PIP4K2C: variants seen among roughly 807,000 people sequenced by gnomAD.
PIP4K2C encodes the protein phosphatidylinositol-5-phosphate 4-kinase type 2 gamma, also known as phosphatidylinositol 5-phosphate 4-kinase type-2 gamma.
Under a neutral mutation model 45.0 loss-of-function variants are expected in PIP4K2C, and 21 were observed. That is an observed-to-expected ratio of 0.47 (90% CI 0.33 to 0.67). The LOEUF (loss-of-function observed/expected upper bound fraction) is 0.67, where lower values mean the gene tolerates loss of function less well. Among genes scored for constraint, PIP4K2C ranks in the 30% least tolerant of loss-of-function variants. The pLI, the probability that PIP4K2C is intolerant of heterozygous loss-of-function variation, is 0.02. For synonymous variants in PIP4K2C, 201 were observed against 204.8 expected (o/e 0.98, Z 0.16); for missense variants, 456 against 542.8 (o/e 0.84, Z 1.59).
intron 8 of PIP4K2C, 30 bp from the exon 9 acceptor site, chr12:57,601,215 C>A: frequency 2.5e-6 from 4 of 1,600,208 alleles, no homozygotes; most frequent in Non-Finnish European, 3.4e-6. Context: ...TGGAACTAAA[C>A]CTACTCTGAA....
In PIP4K2C at chr12:57,596,014, C is replaced by G. The variant is rs772453070; in HGVS notation, c.496C>G (p.Leu166Val). 1.9e-6 allele frequency: 3 copies of G among 1,613,894 alleles called. No homozygotes were observed. The highest frequency in any genetic ancestry group is 2.5e-6 in the Non-Finnish European group (3 of 1,179,794). Reference sequence around the variant, plus strand: ...GGACATTGCTGACATGCATAGCAACCTCTCCAACTATCACCAGGTCAGGCC... The same window carrying G: ...GGACATTGCTGACATGCATAGCAACGTCTCCAACTATCACCAGGTCAGGCC... ...SEDIADMHSN[L>V]SNYHQYIVKC... is the part of the protein sequence containing the mutation. Residue 166 changes from leucine to valine, a missense_variant, in exon 4 of 10, where the codon CTC (leucine) becomes GTC (valine). By Grantham distance (32) the Leu-to-Val change is conservative (BLOSUM62 1). Coordinates refer to ENST00000354947, the MANE Select transcript of PIP4K2C (RefSeq NM_024779.5).
At position 57,601,692 on chromosome 12, in the gene PIP4K2C, C is replaced by T; in HGVS notation, c.*86C>T. The T allele has an allele frequency of 8.4e-7, 1 of 1,195,942 alleles. No individual in the cohort carries two copies. The highest frequency in any genetic ancestry group is 1.9e-4 in the Middle Eastern group (1 of 5,166). 74.1% of individuals were successfully genotyped at this position (1,195,942 alleles called of 1,614,324 possible). A position where few individuals can be genotyped will look rare whatever the true frequency, so the allele number is the denominator to read the frequency against. On this transcript the variant is annotated 3_prime_UTR_variant, in exon 10 of 10. Transcript: ENST00000354947. ...TGTGGGGATATTCTAGCCACCAGTT[C>T]TCTTCTTCCTTTGCTAAATTCAGGC...
chr12:57,601,417 G>A, intron 9 of PIP4K2C, 69 bp downstream of exon 9: 3 of 1,540,778 alleles, frequency 1.9e-6, no homozygotes, highest in Non-Finnish European at 2.7e-6. Context: ...TCTTGTGCCA[G>A]AGCAATGGGG....
intron 4 of PIP4K2C, among the ~76,000 whole-genome samples, chr12:57,596,484 T>TAA (rs76543234): frequency 2.1e-5 from 2 of 93,566 alleles, no homozygotes. Flanking sequence ...AAACTCCGCC[T>TAA]AAAAAAAAAA....
At chr12:57,601,157 T>C in intron 8 of PIP4K2C, 79 bp downstream of exon 8, 1 of 1,592,842 alleles carries the variant, frequency 6.3e-7, no homozygotes, top group South Asian at 1.1e-5. Context: ...GGGGAGAGCC[T>C]GATTAGCTTT....
In PIP4K2C at chr12:57,591,385, T is replaced by C; in HGVS notation, c.96T>C (p.His32=). The change falls in exon 1 of 10, where the codon CAT becomes CAC. Residue 32 remains histidine (H), a synonymous_variant. Coordinates refer to ENST00000354947, the MANE Select transcript of PIP4K2C (RefSeq NM_024779.5). The stretch of plus-strand genomic sequence containing the variant: ...TCGCCTCCAAGACCAAGAAGAAGCA[T>C]TTCGTGCAGCAGAAGGTGAAGGTGT... ...FGFASKTKKK[H]FVQQKVKVFR... 6.2e-7 allele frequency: 1 copy of C among 1,613,854 alleles called. No homozygotes were observed. The highest frequency in any genetic ancestry group is 8.5e-7 in the Non-Finnish European group (1 of 1,179,896).
intron 2 of PIP4K2C, among the ~76,000 whole-genome samples, chr12:57,594,736 A>C (rs1158601687): frequency 1.3e-5 from 2 of 152,174 alleles, no homozygotes; most frequent in East Asian, 3.9e-4. Context: ...TTGGGAGGCC[A>C]AGGCGGGTGG....
In PIP4K2C at chr12:57,601,570, G is replaced by A. The variant is rs201938132; in HGVS notation, c.1230G>A (p.Lys410=). Residue 410 remains lysine, a synonymous_variant, in exon 10 of 10, where the codon AAG becomes AAA. Coordinates refer to ENST00000354947, the MANE Select transcript of PIP4K2C (RefSeq NM_024779.5). Reference sequence around the variant, plus strand: ...CTGTCCATCCGGAGCAGTATGCTAAGCGATTCCTGGATTTTATTACCAACA... The same window carrying A: ...CTGTCCATCCGGAGCAGTATGCTAAACGATTCCTGGATTTTATTACCAACA... ...ISTVHPEQYA[K]RFLDFITNIF... 187 of 1,613,236 alleles carry A rather than the reference G, an allele frequency of 1.2e-4. No individual in the cohort carries two copies. The highest frequency in any genetic ancestry group is 1.5e-4 in the Non-Finnish European group (179 of 1,179,308).
At chr12:57,599,294 T>A in intron 5 of PIP4K2C, 83 bp downstream of exon 5, 1 of 1,606,200 alleles carries the variant, frequency 6.2e-7, no homozygotes, top group South Asian at 1.1e-5. Flanking sequence ...TTTGGATGAT[T>A]CCTTTTAAGG....
chr12:57,601,080 T>C lies in PIP4K2C; in HGVS notation c.1081+2T>C, dbSNP rs572745324. ...TCTATGCCATCCGGAGTGCTGAAGG[T>C]GAGAGAACCGGGACAATTTAAGGGT... On this transcript the variant is annotated splice_donor_variant, in intron 8 of 9. Transcript: ENST00000354947. LOFTEE classifies it high-confidence loss of function. 7.4e-6 allele frequency: 12 copies of C among 1,612,202 alleles called. No homozygotes were observed. Among genetic ancestry groups the C allele is most frequent in the Non-Finnish European group, 1.0e-5 (12 of 1,179,292 alleles).
intron 3 of PIP4K2C, among the ~76,000 whole-genome samples, chr12:57,595,604 G>A (rs1233926861): frequency 1.3e-5 from 2 of 151,264 alleles, no homozygotes; most frequent in Non-Finnish European, 2.9e-5. Context: ...TTGGGAGGCT[G>A]AGGCAGGAGA....
At chr12:57,595,411 A>T (rs533118965) in intron 3 of PIP4K2C, among the ~76,000 whole-genome samples, 189 bp downstream of exon 3, 2 of 152,352 alleles carry the variant, frequency 1.3e-5, no homozygotes, top group South Asian at 4.1e-4. Flanking sequence ...ATGTAGATAC[A>T]TTAAGAATTT....
At position 57,595,953 on chromosome 12, in the gene PIP4K2C, C is replaced by T. The variant is rs183015353; in HGVS notation, c.435C>T (p.Tyr145=). ...GTGATGGTCGCTTCCTTATCTCCTA[C>T]GATCGGACTCTGGTCATCAAAGAAG... ...EGSDGRFLIS[Y]DRTLVIKEVS... Residue 145 remains tyrosine, a synonymous_variant, in exon 4 of 10, where the codon TAC becomes TAT. Coordinates refer to ENST00000354947, the MANE Select transcript of PIP4K2C (RefSeq NM_024779.5). 1.2e-4 allele frequency: 200 copies of T among 1,613,944 alleles called. 1 individual carries two copies. The Admixed American group carries it at 2.6e-3, about 21-fold the overall frequency.
At chr12:57,597,228 T>A (rs889767955) in intron 4 of PIP4K2C, among the ~76,000 whole-genome samples, 2 of 152,168 alleles carry the variant, frequency 1.3e-5, no homozygotes, top group Admixed American at 1.3e-4. Context: ...GAGGGAACAC[T>A]GGAAGGGTGG....
intron 1 of PIP4K2C, among the ~76,000 whole-genome samples, chr12:57,591,988 G>A (rs1882982821): frequency 6.6e-6 from 1 of 152,174 alleles, no homozygotes; most frequent in Admixed American, 6.5e-5. Context: ...AATCCTGCTT[G>A]TCCCTTCCTT....
At position 57,602,629 on chromosome 12, in the gene PIP4K2C, C is replaced by A. The variant is rs1340019332; in HGVS notation, c.*1023C>A. The stretch of plus-strand genomic sequence containing the variant: ...GCCTCAAGTGTGGGAACTTCCCCTA[C>A]TCCCTGGATGTGTGTACCTAGCACA... On this transcript the variant is annotated 3_prime_UTR_variant, in exon 10 of 10. Coordinates refer to ENST00000354947, the MANE Select transcript of PIP4K2C (RefSeq NM_024779.5). The A allele has an allele frequency of 6.6e-6, 1 of 152,362 alleles. No individual in the cohort carries two copies. The highest frequency in any genetic ancestry group is 1.5e-5 in the Non-Finnish European group (1 of 68,090). 9.4% of individuals were successfully genotyped at this position (152,362 alleles called of 1,614,324 possible). A position where few individuals can be genotyped will look rare whatever the true frequency, so the allele number is the denominator to read the frequency against.
Position 57,600,408 on chromosome 12 carries a change from T to C in PIP4K2C, c.784T>C (p.Phe262Leu), listed in dbSNP as rs1220851885. ...TATTGGTGAAGAGGAGAAGAAAATATTTCTGGAGAAGCTGAAGAGAGATGT... is the reference window on the plus strand; with the variant it reads ...TATTGGTGAAGAGGAGAAGAAAATACTTCTGGAGAAGCTGAAGAGAGATGT... ...VYIGEEEKKI[F>L]LEKLKRDVEF... The change falls in exon 7 of 10, where the codon TTT becomes CTT. Residue 262 changes from phenylalanine to leucine, a missense_variant. Physicochemically the swap from Phe to Leu is conservative, Grantham distance 22. Coordinates refer to ENST00000354947, the MANE Select transcript of PIP4K2C (RefSeq NM_024779.5). The C allele has an allele frequency of 6.2e-7, 1 of 1,608,556 alleles. No homozygotes were observed. Among genetic ancestry groups the C allele is most frequent in the East Asian group, 2.2e-5 (1 of 44,852 alleles).
intron 4 of PIP4K2C, among the ~76,000 whole-genome samples, chr12:57,596,781 C>T (rs1003550038): frequency 2.6e-5 from 4 of 152,104 alleles, no homozygotes; most frequent in South Asian, 2.1e-4. Flanking sequence ...ATTAGCACAC[C>T]GCAAGATATA....
intron 6 of PIP4K2C, among the ~76,000 whole-genome samples, chr12:57,600,048 CAA>C (rs56278212): frequency 7.2e-6 from 1 of 139,544 alleles, no homozygotes; most frequent in African/African-American, 2.9e-5. Context: ...GATCCTATCT[CAA>C]AAAAAAAAAA....
Sources: gnomAD v4.1 joint callset for allele counts (sites outside exome capture counted in the v4.1 genomes callset) on GRCh38, gnomAD v4.1.1 for gene constraint, MANE v1.5 for transcripts, NCBI Gene and HGNC (gene_info 2026-07-23, HGNC 2026-07-21) for gene names.